The following POGZ variants were observed in gnomAD, a reference collection of about 807,000 sequenced individuals.
The protein encoded by POGZ is pogo transposable element derived with ZNF domain.
POGZ carries 17 observed loss-of-function variants against 134.6 expected under a neutral mutation model. The ratio of observed to expected loss-of-function variants is 0.13; its 90% confidence interval spans 0.09 to 0.19. POGZ has a LOEUF of 0.19. POGZ is among the 10% of genes least tolerant of loss of function. POGZ has a pLI of 1.00. For synonymous variants in POGZ, 693 were observed against 657.1 expected (o/e 1.05, Z -0.84); for missense variants, 1,306 against 1,769.7 (o/e 0.74, Z 4.70).
chr1:151,410,546 T>C (rs1654485852), intron 12 of POGZ, among the ~76,000 whole-genome samples: 1 of 152,224 alleles, frequency 6.6e-6, no homozygotes, highest in South Asian at 2.1e-4. Context: ...GGTTGCTTTA[T>C]AGATAAGGGA....
At chr1:151,453,702 T>C (rs1432864835) in intron 1 of POGZ, among the ~76,000 whole-genome samples, 1 of 152,158 alleles carries the variant, frequency 6.6e-6, no homozygotes, top group African/African-American at 2.4e-5. Flanking sequence ...CAATACTCAG[T>C]CTCTTGTCTC....
At chr1:151,421,753 AT>A (rs1237865925) in intron 10 of POGZ, among the ~76,000 whole-genome samples, 3 of 152,018 alleles carry the variant, frequency 2.0e-5, no homozygotes, top group Non-Finnish European at 4.4e-5. Flanking sequence ...AGATATTCTT[AT>A]TGTTTTCTTT....
At chr1:151,417,608 C>T (rs752725716) in intron 10 of POGZ, among the ~76,000 whole-genome samples, 4 of 151,026 alleles carry the variant, frequency 2.6e-5, no homozygotes, top group African/African-American at 7.3e-5. Flanking sequence ...GTGATCCGTC[C>T]GCCTCAGCCT....
At chr1:151,440,904 T>C in intron 3 of POGZ, 24 bp downstream of exon 3, 1 of 1,604,912 alleles carries the variant, frequency 6.2e-7, no homozygotes, top group Non-Finnish European at 8.5e-7. Context: ...CCCAGGATTA[T>C]TATTTCCCAA....
chr1:151,435,739 C>T (rs1557925989), intron 3 of POGZ, among the ~76,000 whole-genome samples: 1 of 152,158 alleles, frequency 6.6e-6, no homozygotes, highest in East Asian at 1.9e-4. Flanking sequence ...AAATGTTCTG[C>T]TCACCTCGGC....
At position 151,429,750 on chromosome 1, in the gene POGZ, A is replaced by G. The variant is rs758604221; in HGVS notation, c.460-39T>C. 4.3e-6 allele frequency: 5 copies of G among 1,170,308 alleles called. No individual in the cohort carries two copies. In the South Asian group the frequency reaches 6.2e-5, roughly 14 times the overall value. 72.5% of individuals were successfully genotyped at this position (1,170,308 alleles called of 1,614,324 possible). A position where few individuals can be genotyped will look rare whatever the true frequency, so the allele number is the denominator to read the frequency against. On this transcript the variant is annotated intron_variant, in intron 4 of 18. Coordinates refer to ENST00000271715, the MANE Select transcript of POGZ (RefSeq NM_015100.4). ...CAAAATGATCTTTAACATGGAGACC[A>G]ATTAACACTGACAAAGATTGCAGTA... is the stretch of plus-strand genomic sequence containing the variant.
chr1:151,436,721 C>T lies in POGZ; in HGVS notation c.283+4207G>A, dbSNP rs550902941. Among the ~76,000 whole-genome samples the T allele has an allele frequency of 3.3e-5, 5 of 152,262 alleles. No individual in the cohort carries two copies. The East Asian group carries it at 9.6e-4, about 29-fold the overall frequency. On this transcript the variant is annotated intron_variant, in intron 3 of 18. Coordinates refer to ENST00000271715, the MANE Select transcript of POGZ (RefSeq NM_015100.4). ...TGGGCAAATAATATTCCATTGTGTA[C>T]ATATATTACATTTTGTTTATCCATC...
chr1:151,452,358 CTTT>C (rs1174636080), intron 1 of POGZ, among the ~76,000 whole-genome samples: 2 of 147,664 alleles, frequency 1.4e-5, no homozygotes, highest in East Asian at 4.0e-4. Flanking sequence ...AGATATTTGG[CTTT>C]TTTTTTTGAG....
chr1:151,453,633 A>AT (rs1417970172), intron 1 of POGZ, among the ~76,000 whole-genome samples: 1 of 152,114 alleles, frequency 6.6e-6, no homozygotes, highest in Non-Finnish European at 1.5e-5. Context: ...TTGTAACATG[A>AT]TTTTTTTGTG....
In POGZ at chr1:151,406,223, C is replaced by T. The variant is rs962375062; in HGVS notation, c.2812G>A (p.Glu938Lys). 25 of 1,613,988 alleles carry T rather than the reference C, an allele frequency of 1.5e-5. No homozygotes were observed. The highest frequency in any genetic ancestry group is 2.2e-5 in the South Asian group (2 of 91,074). Residue 938 changes from glutamate to lysine, a missense_variant, in exon 19 of 19, where the codon GAA (glutamate) becomes AAA (lysine). Glu to Lys is a moderately conservative substitution (Grantham distance 56, BLOSUM62 1). Transcript: ENST00000271715. Reference protein sequence around the residue: ...ALPPLATEGAECLNVDDQDEG... With the variant: ...ALPPLATEGAKCLNVDDQDEG... ...TCCTGATCATCAACATTCAGACATT[C>T]GGCTCCCTCTGTAGCCAGCGGTGGA... is the stretch of plus-strand genomic sequence containing the variant.
rs766045182 is a variant in POGZ, at chr1:151,442,154, T to C, written c.51A>G (p.Pro17=). 5.0e-6 allele frequency: 8 copies of C among 1,612,922 alleles called. No individual in the cohort carries two copies. The highest frequency in any genetic ancestry group is 6.8e-6 in the Non-Finnish European group (8 of 1,179,026). ...CAATGACATCACTGATTTTCTGCCA[T>C]GGCTCCAACTCCTCCTCCTCACATT... ...FMECEEEELE[P]WQKISDVIED... is the part of the protein sequence containing the mutation. Residue 17 remains proline, a synonymous_variant, in exon 2 of 19, where the codon CCA becomes CCG. Coordinates refer to ENST00000271715, the MANE Select transcript of POGZ (RefSeq NM_015100.4).
Position 151,411,780 on chromosome 1 carries a change from C to T in POGZ, c.1780-9G>A. On this transcript the variant is annotated splice_polypyrimidine_tract_variant and intron_variant, in intron 11 of 18. Transcript: ENST00000271715. The stretch of plus-strand genomic sequence containing the variant: ...GAGCGATATTGACACACCTGAGTCA[C>T]ATAGGAGGGAAAATAAGGCTAAGAA... 6.2e-7 allele frequency: 1 copy of T among 1,600,254 alleles called. No homozygotes were observed. The highest frequency in any genetic ancestry group is 8.5e-7 in the Non-Finnish European group (1 of 1,174,590).
intron 7 of POGZ, chr1:151,426,722 T>C (rs1240461722): frequency 1.3e-5 from 2 of 152,184 alleles, no homozygotes; most frequent in Non-Finnish European, 2.9e-5. Context: ...TTTGGTGTCA[T>C]ATCCAAGAAA....
At position 151,405,132 on chromosome 1, in the gene POGZ, C is replaced by T; in HGVS notation, c.3903G>A (p.Val1301=). 1 of 1,614,226 alleles carries T rather than the reference C, an allele frequency of 6.2e-7. No individual in the cohort carries two copies. The highest frequency in any genetic ancestry group is 8.5e-7 in the Non-Finnish European group (1 of 1,180,024). ...ACDSDVLLQL[V]LVWLGEVLGV... is the part of the protein sequence containing the mutation. ...CTAGCACTTCACCCAGCCAGACAAG[C>T]ACCAGCTGAAGCAGGACATCAGAAT... Residue 1301 remains valine (V), a synonymous_variant, in exon 19 of 19, where the codon GTG becomes GTA. Transcript: ENST00000271715. This position sits in a 1 kb window ranked among gnomAD's most constrained non-coding sequence, Gnocchi z 4.9.
intron 11 of POGZ, 90 bp downstream of exon 11, chr1:151,412,206 C>CAGT: frequency 1.5e-6 from 1 of 689,546 alleles, no homozygotes; most frequent in Non-Finnish European, 2.6e-6. Context: ...TGAGTGTATG[C>CAGT]AGTAGGTGGT....
At chr1:151,454,030 G>C (rs1449085397) in intron 1 of POGZ, among the ~76,000 whole-genome samples, 2 of 152,106 alleles carry the variant, frequency 1.3e-5, no homozygotes, top group Non-Finnish European at 2.9e-5. Context: ...GACATACTTG[G>C]TTCTTGAAAG....
intron 1 of POGZ, among the ~76,000 whole-genome samples, chr1:151,452,269 G>A (rs113011112): frequency 2.4e-4 from 36 of 151,908 alleles, no homozygotes; most frequent in African/African-American, 8.4e-4. Flanking sequence ...GTAGGAGAAT[G>A]TATTTATTCC....
intron 9 of POGZ, 138 bp from the exon 10 acceptor site, chr1:151,423,689 T>C: frequency 1.4e-6 from 1 of 735,976 alleles, no homozygotes; most frequent in Non-Finnish European, 2.2e-6. Flanking sequence ...TATCCTTTTC[T>C]GAGCCCAGAA....
chr1:151,458,802 GGCGCGA>G (rs1361340257), intron 1 of POGZ, among the ~76,000 whole-genome samples: 3 of 145,606 alleles, frequency 2.1e-5, no homozygotes, highest in Non-Finnish European at 4.6e-5. Context: ...GGGGCCGTGG[GGCGCGA>G]GTGCGCGCGC....
Sources: allele counts gnomAD v4.1 joint callset (sites outside exome capture counted in the v4.1 genomes callset), GRCh38; gene constraint gnomAD v4.1.1; non-coding constraint Gnocchi (gnomAD v3.1); transcripts MANE v1.5; gene names NCBI Gene and HGNC (gene_info 2026-07-23, HGNC 2026-07-21).